Variants in NFIA observed in about 807,000 individuals in gnomAD.
NFIA encodes nuclear factor 1 A-type.
Under a neutral mutation model 62.8 loss-of-function variants are expected in NFIA, and 8 were observed. The observed-to-expected ratio is 0.13, with a 90% CI of 0.07 to 0.23. The LOEUF is 0.23. Among genes scored for constraint, NFIA ranks in the 10% least tolerant of loss-of-function variants. The probability of loss-of-function intolerance (pLI) is 1.00; values close to 1 mark genes in which losing one functional copy is unlikely to be tolerated. For synonymous variants in NFIA, 235 were observed against 238.1 expected (o/e 0.99, Z 0.12); for missense variants, 410 against 642.1 (o/e 0.64, Z 3.91).
intron 2 of NFIA, among the ~76,000 whole-genome samples, chr1:61,188,634 T>G (rs899917380): frequency 3.3e-5 from 5 of 152,240 alleles, no homozygotes; most frequent in African/African-American, 1.2e-4. Context: ...TCGTCATCTT[T>G]TAGCTGAATT....
At position 61,086,314 on chromosome 1, in the gene NFIA, G is replaced by A. The variant is rs539876525; in HGVS notation, c.28-1835G>A. 4.6e-5 allele frequency among the ~76,000 whole-genome samples: 7 copies of A among 152,224 alleles called. No homozygotes were observed. In the East Asian group the frequency reaches 9.6e-4, roughly 21 times the overall value. ...AAGGATGAGCTCAGAATTTAGTAAC[G>A]TTTAGATGCTTTGTGGTTTGGCGTA... On this transcript the variant is annotated intron_variant, in intron 1 of 10. Transcript: ENST00000403491.
chr1:61,106,289 C>T (rs1646599020), intron 2 of NFIA, among the ~76,000 whole-genome samples: 1 of 151,718 alleles, frequency 6.6e-6, no homozygotes, highest in African/African-American at 2.4e-5. Context: ...TTAAACCAGA[C>T]ATAAACAGGA....
chr1:61,205,421 C>T (rs114849050), intron 2 of NFIA, among the ~76,000 whole-genome samples: 114 of 152,298 alleles, frequency 7.5e-4, no homozygotes, highest in Non-Finnish European at 4.1e-4. Flanking sequence ...GGGGCTTTCT[C>T]ATAGGCATAG....
chr1:61,106,689 A>C (rs1646606870), intron 2 of NFIA, among the ~76,000 whole-genome samples: 1 of 151,606 alleles, frequency 6.6e-6, no homozygotes, highest in African/African-American at 2.4e-5. Flanking sequence ...TTTTAATATA[A>C]ATATATATGT....
chr1:61,449,252 G>A (rs570504358), intron 10 of NFIA, among the ~76,000 whole-genome samples: 9 of 152,308 alleles, frequency 5.9e-5, no homozygotes, highest in East Asian at 3.9e-4. Context: ...CATGTGGCAC[G>A]AGCATGCTAG....
chr1:61,095,476 CT>C (rs1326678600), intron 2 of NFIA, among the ~76,000 whole-genome samples: 1 of 152,116 alleles, frequency 6.6e-6, no homozygotes, highest in Non-Finnish European at 1.5e-5. Context: ...TTGTATCCTT[CT>C]TTATATCTTA....
At position 61,335,756 on chromosome 1, in the gene NFIA, C is replaced by A. The variant is rs551179707; in HGVS notation, c.700+3170C>A. On this transcript the variant is annotated intron_variant, in intron 4 of 10. Transcript: ENST00000403491. ...ACTCGGGAGGCTGAGGCAGGAGAAT[C>A]GCTTGAACCCGGGAGACGGAGGTTG... Among the ~76,000 whole-genome samples, 5 of 151,872 alleles carry A rather than the reference C, an allele frequency of 3.3e-5. No homozygotes were observed. The South Asian group carries it at 1.0e-3, about 32-fold the overall frequency.
intron 2 of NFIA, among the ~76,000 whole-genome samples, chr1:61,255,743 A>G (rs548344644): frequency 1.3e-5 from 2 of 152,338 alleles, no homozygotes; most frequent in African/African-American, 4.8e-5. Flanking sequence ...CAGTTGTGAA[A>G]CTAAGTAGAA....
chr1:61,161,573 A>C (rs1203400988), intron 2 of NFIA, among the ~76,000 whole-genome samples: 1 of 138,748 alleles, frequency 7.2e-6, no homozygotes, highest in East Asian at 2.1e-4. Context: ...CTCTCTAGAC[A>C]TGCGCCATGT....
At chr1:61,332,623 C>T (rs1192118929) in intron 4 of NFIA, 37 bp downstream of exon 4, 4 of 1,587,214 alleles carry the variant, frequency 2.5e-6, no homozygotes, top group Non-Finnish European at 8.6e-7. Context: ...TACAGATTTG[C>T]CTTGGTTTGT....
chr1:61,135,166 G>A (rs1198663846), intron 2 of NFIA, among the ~76,000 whole-genome samples: 2 of 152,176 alleles, frequency 1.3e-5, no homozygotes, highest in African/African-American at 4.8e-5. Flanking sequence ...GACTTTAAAA[G>A]CATTGTAAGA....
chr1:61,292,138 A>G (rs981599625), intron 3 of NFIA, among the ~76,000 whole-genome samples: 2 of 152,150 alleles, frequency 1.3e-5, no homozygotes, highest in African/African-American at 2.4e-5. Flanking sequence ...TATTAGAAAT[A>G]AACTTATCGT....
intron 2 of NFIA, among the ~76,000 whole-genome samples, chr1:61,140,976 T>G (rs1165789004): frequency 3.4e-5 from 5 of 148,658 alleles, no homozygotes; most frequent in African/African-American, 9.9e-5. Context: ...TTTTTTTTTT[T>G]TTTTTTTTTT....
intron 2 of NFIA, among the ~76,000 whole-genome samples, chr1:61,152,509 T>C (rs1373058018): frequency 6.6e-6 from 1 of 152,214 alleles, no homozygotes; most frequent in Non-Finnish European, 1.5e-5. Flanking sequence ...GGCTTTATTA[T>C]ACAAAGCCCC....
intron 2 of NFIA, among the ~76,000 whole-genome samples, chr1:61,213,837 C>A (rs1570392639): frequency 6.6e-6 from 1 of 152,194 alleles, no homozygotes; most frequent in East Asian, 1.9e-4. Flanking sequence ...CAGATCATGC[C>A]CGCCACCACC....
intron 2 of NFIA, among the ~76,000 whole-genome samples, chr1:61,156,218 C>T (rs539580505): frequency 6.6e-6 from 1 of 152,340 alleles, no homozygotes; most frequent in Non-Finnish European, 1.5e-5. Context: ...GTTATCTCCT[C>T]TAAGCCCCAT....
chr1:61,357,313 C>T (rs1557729168), intron 5 of NFIA, among the ~76,000 whole-genome samples: 2 of 152,164 alleles, frequency 1.3e-5, no homozygotes, highest in East Asian at 1.9e-4. Flanking sequence ...TTGGCTAGGT[C>T]CTGGAATGCT....
chr1:61,375,375 G>A (rs1418685615), intron 6 of NFIA, among the ~76,000 whole-genome samples: 1 of 152,158 alleles, frequency 6.6e-6, no homozygotes, highest in Non-Finnish European at 1.5e-5. Flanking sequence ...TAGTGGAGTA[G>A]GGGAATCTGA....
chr1:61,252,924 T>C (rs566473186), intron 2 of NFIA, among the ~76,000 whole-genome samples: 1 of 152,358 alleles, frequency 6.6e-6, no homozygotes, highest in African/African-American at 2.4e-5. Flanking sequence ...TAGAGATGTT[T>C]TGTTTCCTAC....
Sources: allele counts gnomAD v4.1 joint callset (sites outside exome capture counted in the v4.1 genomes callset), GRCh38; gene constraint gnomAD v4.1.1; transcripts MANE v1.5; gene names NCBI Gene and HGNC (gene_info 2026-07-23, HGNC 2026-07-21).